The following MYO1D variants were observed in gnomAD, a reference collection of about 807,000 sequenced individuals.
MYO1D encodes the protein myosin ID.
A neutral mutation model predicts 122.0 loss-of-function variants in MYO1D; 83 were observed. The observed-to-expected ratio is 0.68, with a 90% CI of 0.57 to 0.82. The LOEUF is 0.82. Among genes scored for constraint, MYO1D ranks in the 40% least tolerant of loss-of-function variants. MYO1D has a pLI of 0.00. For missense variants in MYO1D, 1,157 were observed against 1,269.5 expected (o/e 0.91, Z 1.35); for synonymous variants, 464 against 446.9 (o/e 1.04, Z -0.48).
chr17:32,550,512 C>T (rs1202346293), intron 21 of MYO1D, among the ~76,000 whole-genome samples: 1 of 152,092 alleles, frequency 6.6e-6, no homozygotes, highest in Non-Finnish European at 1.5e-5. Flanking sequence ...CAAAATTTTC[C>T]ACAGCTAATC....
At chr17:32,844,180 T>C (rs964990416) in intron 1 of MYO1D, among the ~76,000 whole-genome samples, 5 of 148,544 alleles carry the variant, frequency 3.4e-5, no homozygotes, top group Non-Finnish European at 7.4e-5. Context: ...TACTGATAAG[T>C]GACAAAAGCA....
At chr17:32,654,242 G>A (rs1002130012) in intron 18 of MYO1D, among the ~76,000 whole-genome samples, 1 of 152,154 alleles carries the variant, frequency 6.6e-6, no homozygotes, top group Non-Finnish European at 1.5e-5. Flanking sequence ...AATGGTCAAA[G>A]GCCAGGTTAT....
chr17:32,775,602 G>T (rs1297880354), intron 4 of MYO1D, among the ~76,000 whole-genome samples: 2 of 152,154 alleles, frequency 1.3e-5, no homozygotes, highest in Non-Finnish European at 2.9e-5. Context: ...TTACCCAGAA[G>T]CTGGCACACA....
chr17:32,656,704 T>A (rs1468040550), intron 17 of MYO1D, among the ~76,000 whole-genome samples: 2 of 152,328 alleles, frequency 1.3e-5, no homozygotes, highest in East Asian at 3.9e-4. Context: ...TGTCCTAAGA[T>A]CATTCCAGAA....
chr17:32,601,518 C>T (rs1234166140), intron 21 of MYO1D, among the ~76,000 whole-genome samples: 2 of 152,128 alleles, frequency 1.3e-5, no homozygotes, highest in Non-Finnish European at 2.9e-5. Flanking sequence ...CAAAGCCCAC[C>T]ATAGCAGTTA....
intron 1 of MYO1D, among the ~76,000 whole-genome samples, chr17:32,808,721 T>C (rs1357957908): frequency 6.6e-6 from 1 of 152,156 alleles, no homozygotes; most frequent in Non-Finnish European, 1.5e-5. Flanking sequence ...AGAGCTAACA[T>C]ACTCTTTTTC....
chr17:32,525,092 GC>G (rs1436190218), intron 21 of MYO1D, among the ~76,000 whole-genome samples: 1 of 152,194 alleles, frequency 6.6e-6, no homozygotes, highest in Non-Finnish European at 1.5e-5. Flanking sequence ...GCATTCAGGG[GC>G]CAACATACTT....
chr17:32,828,891 C>T (rs1670945514), intron 1 of MYO1D, among the ~76,000 whole-genome samples: 1 of 152,126 alleles, frequency 6.6e-6, no homozygotes, highest in East Asian at 1.9e-4. Flanking sequence ...GCTATGGAAA[C>T]GGAGGCACAC....
intron 21 of MYO1D, among the ~76,000 whole-genome samples, chr17:32,596,039 G>T (rs1052820924): frequency 6.6e-6 from 1 of 152,184 alleles, no homozygotes; most frequent in Non-Finnish European, 1.5e-5. Flanking sequence ...GTTTTCACGT[G>T]TATCTCTATT....
intron 21 of MYO1D, among the ~76,000 whole-genome samples, chr17:32,591,698 G>A (rs1375157516): frequency 6.6e-6 from 1 of 151,948 alleles, no homozygotes; most frequent in Non-Finnish European, 1.5e-5. Context: ...CATCGCAATG[G>A]CATCAGCAAA....
intron 21 of MYO1D, among the ~76,000 whole-genome samples, chr17:32,581,741 T>TTGTGTG (rs35563167): frequency 0.016 from 2,425 of 148,368 alleles, 61 homozygotes; most frequent in African/African-American, 0.054. Flanking sequence ...CCTGGCTAAT[T>TTGTGTG]TGTGTGTGTG....
At chr17:32,773,455 A>T (rs1458192203) in intron 4 of MYO1D, among the ~76,000 whole-genome samples, 1 of 152,090 alleles carries the variant, frequency 6.6e-6, no homozygotes, top group Non-Finnish European at 1.5e-5. Flanking sequence ...CTGTGGGGAC[A>T]CTTGCCTTGA....
intron 21 of MYO1D, among the ~76,000 whole-genome samples, chr17:32,526,156 C>T (rs556100295): frequency 1.3e-4 from 20 of 152,234 alleles, no homozygotes; most frequent in African/African-American, 1.9e-4. Context: ...ATTGTAATCC[C>T]GTCTACTCAT....
At chr17:32,658,333 T>A (rs943004278) in intron 17 of MYO1D, among the ~76,000 whole-genome samples, 1 of 152,174 alleles carries the variant, frequency 6.6e-6, no homozygotes, top group African/African-American at 2.4e-5. Context: ...TTATGGAGTA[T>A]CATGATAAAA....
At chr17:32,545,419 A>G (rs1408679016) in intron 21 of MYO1D, among the ~76,000 whole-genome samples, 2 of 152,218 alleles carry the variant, frequency 1.3e-5, no homozygotes, top group East Asian at 3.8e-4. Context: ...TTCTGAATGT[A>G]GTCAGTCCCC....
At chr17:32,655,914 T>C (rs1314643628) in intron 17 of MYO1D, among the ~76,000 whole-genome samples, 7 of 152,098 alleles carry the variant, frequency 4.6e-5, no homozygotes. Context: ...TAAGTGTTGG[T>C]TCTGCATATT....
rs5820001 is a variant in MYO1D, at chr17:32,867,798, CAAAAAAA to C, written c.95+8973_95+8979del. ...TGGGCGACAGAGCAAGACTCCGTCT[CAAAAAAA>C]AAAAAAAAAAAAAAAAAAGAATTCA... is the stretch of plus-strand genomic sequence containing the variant. On this transcript the variant is annotated intron_variant, in intron 1 of 21. Coordinates refer to ENST00000318217, the MANE Select transcript of MYO1D (RefSeq NM_015194.3). Among the ~76,000 whole-genome samples the C allele has an allele frequency of 2.8e-4, 15 of 53,932 alleles. No individual in the cohort carries two copies. The South Asian group carries it at 4.7e-3, about 17-fold the overall frequency. The allele number at this position is 53,932 out of a possible 152,430, so 35.4% of individuals were successfully genotyped here.
Position 32,643,633 on chromosome 17 carries a change from C to T in MYO1D, c.2596-4798G>A, listed in dbSNP as rs183116180. Among the ~76,000 whole-genome samples the T allele has an allele frequency of 1.8e-3, 275 of 152,236 alleles. 2 individuals carry two copies. The highest frequency in any genetic ancestry group is 6.4e-3 in the African/African-American group (264 of 41,552). The stretch of plus-strand genomic sequence containing the variant: ...GGTCTATTAAGAGATTCACCTTCTT[C>T]CTGGTTTAGTCTTGGGAGGGTGTAT... On this transcript the variant is annotated intron_variant, in intron 19 of 21. Transcript: ENST00000318217.
intron 21 of MYO1D, among the ~76,000 whole-genome samples, chr17:32,585,270 T>C (rs1371474535): frequency 6.6e-6 from 1 of 152,252 alleles, no homozygotes; most frequent in Non-Finnish European, 1.5e-5. Flanking sequence ...CTTTTCATTT[T>C]GTAAATGACA....
Sources: gnomAD v4.1 joint callset for allele counts (sites outside exome capture counted in the v4.1 genomes callset) on GRCh38, gnomAD v4.1.1 for gene constraint, MANE v1.5 for transcripts, NCBI Gene and HGNC (gene_info 2026-07-23, HGNC 2026-07-21) for gene names.